The following CIST1 variants were observed in gnomAD, a reference collection of about 807,000 sequenced individuals.
CIST1 encodes the protein colon, intestine and stomach enriched 1.
the CIST1 span, chr19:18,255,155 G>A: frequency 2.5e-6 from 1 of 398,224 alleles, no homozygotes; most frequent in Non-Finnish European, 4.4e-6. This position sits in a 1 kb window ranked among gnomAD's most constrained non-coding sequence, Gnocchi z 4.6. Context: ...TGTGTGACTG[G>A]GCTGTGCGTC....
chr19:18,255,288 G>A, the CIST1 span: 6 of 399,174 alleles, frequency 1.5e-5, no homozygotes, highest in African/African-American at 8.2e-5. This position sits in a 1 kb window ranked among gnomAD's most constrained non-coding sequence, Gnocchi z 4.6. Flanking sequence ...CAGAAGTGGC[G>A]GCAGCTGGGG....
At chr19:18,251,190 A>G in the CIST1 span, among the ~76,000 whole-genome samples, 1 of 151,300 alleles carries the variant, frequency 6.6e-6, no homozygotes, top group South Asian at 2.1e-4. Flanking sequence ...CAGTGGTTCA[A>G]TGTGGGCTCA....
At chr19:18,251,706 G>GCCCCCGCCCCCGCCCCCGCCCCCGT in the CIST1 span, among the ~76,000 whole-genome samples, 1 of 35,456 alleles carries the variant, frequency 2.8e-5, no homozygotes, top group Non-Finnish European at 6.0e-5. Flanking sequence ...CCCGCCCTCG[G>GCCCCCGCCCCCGCCCCCGCCCCCGT]CCTCCCAAAG....
At chr19:18,250,583 C>T in the CIST1 span, 2,348 of 397,550 alleles carry the variant, frequency 5.9e-3, 10 homozygotes, top group Non-Finnish European at 8.7e-3. Flanking sequence ...GACCTCTCTT[C>T]CCTCTCCAGT....
chr19:18,251,887 T>C, the CIST1 span, among the ~76,000 whole-genome samples: 1 of 151,934 alleles, frequency 6.6e-6, no homozygotes, highest in Non-Finnish European at 1.5e-5. Context: ...AGCCGTGACA[T>C]ACACTAGGCA....
the CIST1 span, chr19:18,255,262 C>T: frequency 1.3e-5 from 5 of 399,186 alleles, no homozygotes; most frequent in East Asian, 1.4e-4. This position sits in a 1 kb window ranked among gnomAD's most constrained non-coding sequence, Gnocchi z 4.6. Context: ...TTCAGCAGCA[C>T]CACCAGCACC....
the CIST1 span, chr19:18,250,476 G>A: frequency 2.5e-6 from 1 of 399,102 alleles, no homozygotes; most frequent in East Asian, 3.6e-5. Context: ...CCTGGAGCTG[G>A]GGAAAGGAAC....
the CIST1 span, among the ~76,000 whole-genome samples, chr19:18,251,889 C>T: frequency 6.6e-6 from 1 of 151,980 alleles, no homozygotes; most frequent in Non-Finnish European, 1.5e-5. Flanking sequence ...CCGTGACATA[C>T]ACTAGGCACT....
the CIST1 span, among the ~76,000 whole-genome samples, chr19:18,250,927 C>T: frequency 1.3e-5 from 2 of 152,166 alleles, no homozygotes; most frequent in South Asian, 4.2e-4. Flanking sequence ...GTGTGTGCCA[C>T]CACACCCAGC....
chr19:18,255,396 GCTCCCT>G, the CIST1 span: 1 of 397,636 alleles, frequency 2.5e-6, no homozygotes, highest in East Asian at 3.6e-5. The surrounding 1 kb of genome is among the most constrained non-coding windows in gnomAD (Gnocchi z 4.6). Context: ...CTGCGTGTGC[GCTCCCT>G]GCTGGCGGAG....
the CIST1 span, among the ~76,000 whole-genome samples, chr19:18,251,873 G>A: frequency 6.6e-6 from 1 of 151,902 alleles, no homozygotes; most frequent in East Asian, 1.9e-4. Context: ...ATCGCTGCGT[G>A]CCCAGCCGTG....
chr19:18,251,118 GAGAT>G, the CIST1 span, among the ~76,000 whole-genome samples: 1 of 143,592 alleles, frequency 7.0e-6, no homozygotes, highest in African/African-American at 2.6e-5. Context: ...ATTTATTTTT[GAGAT>G]AGAGTCTTTT....
the CIST1 span, chr19:18,250,613 T>A: frequency 2.5e-6 from 1 of 395,772 alleles, no homozygotes; most frequent in Admixed American, 4.4e-5. Flanking sequence ...CACTTTTTAA[T>A]CATGTATTTT....
the CIST1 span, chr19:18,252,602 C>T: frequency 5.2e-6 from 2 of 387,278 alleles, no homozygotes; most frequent in Non-Finnish European, 4.5e-6. Context: ...CTCTCTCTCT[C>T]TCTTTCTCTC....
chr19:18,252,120 C>G, the CIST1 span: 1 of 398,906 alleles, frequency 2.5e-6, no homozygotes, highest in South Asian at 1.3e-4. Context: ...CGTTCCGGGG[C>G]TGTGGGAAGT....
At chr19:18,250,773 A>C in the CIST1 span, among the ~76,000 whole-genome samples, 1 of 124,632 alleles carries the variant, frequency 8.0e-6, no homozygotes. Context: ...TGCCTGGACA[A>C]TTTTTTTTTT....
At chr19:18,250,104 C>T in the CIST1 span, 4 of 398,646 alleles carry the variant, frequency 1.0e-5, no homozygotes, top group Non-Finnish European at 1.3e-5. Flanking sequence ...CCATCCATGC[C>T]CCCATCTCTG....
At chr19:18,252,105 G>A in the CIST1 span, 6 of 399,160 alleles carry the variant, frequency 1.5e-5, no homozygotes, top group Middle Eastern at 6.3e-4. Flanking sequence ...GGAGGTCAAG[G>A]GCTCCGTTCC....
chr19:18,253,563 A>AACACAC, the CIST1 span, among the ~76,000 whole-genome samples: 1 of 141,750 alleles, frequency 7.1e-6, no homozygotes, highest in Non-Finnish European at 1.5e-5. Flanking sequence ...AAAAAAAAAA[A>AACACAC]ACACACACAC....
Sources: gnomAD v4.1 joint callset for allele counts (sites outside exome capture counted in the v4.1 genomes callset) on GRCh38, gnomAD v4.1.1 for gene constraint, Gnocchi (gnomAD v3.1) non-coding constraint, MANE v1.5 for transcripts, NCBI Gene and HGNC (gene_info 2026-07-23, HGNC 2026-07-21) for gene names.